Variants in GTPBP1 observed in about 807,000 individuals in gnomAD.
GTPBP1 encodes the protein GTP binding protein 1.
Under a neutral mutation model 62.0 loss-of-function variants are expected in GTPBP1, and 23 were observed. The ratio of observed to expected loss-of-function variants is 0.37; its 90% CI spans 0.27 to 0.53. The LOEUF is 0.53. Ranked by LOEUF, GTPBP1 falls within the 20% of genes least tolerant of loss-of-function variation. GTPBP1 has a pLI of 0.89. For missense variants in GTPBP1, 640 were observed against 917.3 expected (o/e 0.70, Z 3.90); for synonymous variants, 344 against 364.4 (o/e 0.94, Z 0.64).
intron 2 of GTPBP1, among the ~76,000 whole-genome samples, chr22:38,713,805 G>C (rs1480475337): frequency 1.3e-5 from 2 of 152,230 alleles, no homozygotes; most frequent in Non-Finnish European, 1.5e-5. Context: ...TTGTTTAAAA[G>C]AGGGTTGGGT....
At chr22:38,735,530 A>G (rs1006784748), downstream of GTPBP1, 6 of 257,674 alleles carry the variant, frequency 2.3e-5, no homozygotes, top group African/African-American at 1.4e-4. Context: ...GTGGGCCCCA[A>G]CCTAGCATCA....
In GTPBP1 at chr22:38,727,819, C is replaced by T. The variant is rs1399306975; in HGVS notation, c.1538-164C>T. On this transcript the variant is annotated intron_variant, in intron 9 of 11. Transcript: ENST00000216044. This position sits in a 1 kb window ranked among gnomAD's most constrained non-coding sequence, Gnocchi z 6.5. ...GAGGAAAAGGTGGGAGATGGTAAGGCAGGATCAGAGCCAAGAACAGGCTTC... is the reference window on the plus strand; with the variant it reads ...GAGGAAAAGGTGGGAGATGGTAAGGTAGGATCAGAGCCAAGAACAGGCTTC... Among the ~76,000 whole-genome samples the T allele has an allele frequency of 1.3e-5, 2 of 152,146 alleles. No individual in the cohort carries two copies. Among genetic ancestry groups the T allele is most frequent in the Non-Finnish European group, 2.9e-5 (2 of 68,008 alleles).
intron 4 of GTPBP1, 116 bp downstream of exon 4, chr22:38,717,116 G>A (rs2092675229): frequency 9.1e-6 from 6 of 661,060 alleles, no homozygotes; most frequent in African/African-American, 3.6e-5. Context: ...CTTTGACATC[G>A]GGTGAGGCTG....
intron 2 of GTPBP1, 110 bp from the exon 3 acceptor site, chr22:38,715,797 C>CTGG: frequency 1.2e-6 from 1 of 814,690 alleles, no homozygotes; most frequent in Non-Finnish European, 2.0e-6. Context: ...CTCTGCAGTG[C>CTGG]TGGGGTCGGG....
Position 38,707,009 on chromosome 22 carries a change from C to G in GTPBP1, c.192+862C>G, listed in dbSNP as rs899762523. On this transcript the variant is annotated intron_variant, in intron 1 of 11. Coordinates refer to ENST00000216044, the MANE Select transcript of GTPBP1 (RefSeq NM_004286.5). ...GACAGGGCTGGGTTCCCTTTCCTGC[C>G]CTACCATCGAAAGGCTCTGTGACGT... 2.2e-5 allele frequency among the ~76,000 whole-genome samples: 3 copies of G among 138,572 alleles called. No individual in the cohort carries two copies. The South Asian group carries it at 7.0e-4, about 32-fold the overall frequency. The allele number at this position is 138,572 out of a possible 152,430, so 90.9% of individuals were successfully genotyped here. A position where few individuals can be genotyped will look rare whatever the true frequency, so the allele number is the denominator to read the frequency against.
At chr22:38,719,755 C>G (rs761174768) in intron 4 of GTPBP1, among the ~76,000 whole-genome samples, 1 of 151,722 alleles carries the variant, frequency 6.6e-6, no homozygotes, top group Non-Finnish European at 1.5e-5. Flanking sequence ...AAAAGTGAGG[C>G]CTGTCTCCTA....
chr22:38,735,984 A>C (rs770501401), downstream of GTPBP1: 1 of 330,762 alleles, frequency 3.0e-6, no homozygotes, highest in African/African-American at 2.2e-5. Flanking sequence ...ACCTCTCCCA[A>C]CTTCCCAGTC....
At chr22:38,724,451 G>A (rs1270269417) in intron 6 of GTPBP1, 40 bp downstream of exon 6, 20 of 1,213,190 alleles carry the variant, frequency 1.6e-5, no homozygotes, top group Non-Finnish European at 2.3e-5. Flanking sequence ...AGGCACCCTT[G>A]CAGGCAGGAC....
intron 5 of GTPBP1, chr22:38,722,967 G>A (rs2092708613): frequency 5.6e-6 from 5 of 885,342 alleles, no homozygotes; most frequent in Non-Finnish European, 7.8e-6. Flanking sequence ...ACCTCTTAGT[G>A]CAAGACCAGA....
At chr22:38,722,995 C>G (rs566926075) in intron 5 of GTPBP1, 2 of 834,200 alleles carry the variant, frequency 2.4e-6, no homozygotes, top group Admixed American at 3.4e-5. Flanking sequence ...AACAGCACAC[C>G]GTAGTCTCAG....
chr22:38,742,760 G>A, downstream of GTPBP1: 1 of 613,898 alleles, frequency 1.6e-6, no homozygotes, highest in Non-Finnish European at 2.8e-6. Flanking sequence ...GGATCACTGG[G>A]TGCCGGCCAC....
intron 1 of GTPBP1, 44 bp from the exon 2 acceptor site, chr22:38,708,801 T>C (rs1408165788): frequency 2.8e-6 from 3 of 1,055,538 alleles, no homozygotes; most frequent in African/African-American, 3.1e-5. Context: ...GCTGTGGTGC[T>C]CTTCTAGCAA....
chr22:38,709,003 G>T (rs764827844), intron 2 of GTPBP1, 47 bp downstream of exon 2: 7 of 1,175,274 alleles, frequency 6.0e-6, no homozygotes, highest in Non-Finnish European at 8.9e-6. Flanking sequence ...TTATTGGGCC[G>T]GGTGCGGTGG....
intron 5 of GTPBP1, among the ~76,000 whole-genome samples, chr22:38,722,217 C>T (rs138693): frequency 0.061 from 9,325 of 152,196 alleles, 604 homozygotes; most frequent in African/African-American, 0.16. Context: ...CATGCATGAT[C>T]AGTTAAGTCA....
At chr22:38,739,431 A>G, downstream of GTPBP1, 1 of 1,612,902 alleles carries the variant, frequency 6.2e-7, no homozygotes, top group Non-Finnish European at 8.5e-7. The surrounding 1 kb of genome is among the most constrained non-coding windows in gnomAD (Gnocchi z 6.7). Flanking sequence ...CACCTGCTGC[A>G]ATGCAGGCAC....
At chr22:38,734,022 T>TTAAAAA, downstream of GTPBP1, 1 of 248,756 alleles carries the variant, frequency 4.0e-6, no homozygotes, top group Non-Finnish European at 8.1e-6. Context: ...CAGGACCAGC[T>TTAAAAA]GTCTCCCAAG....
chr22:38,716,661 G>T lies in GTPBP1; in HGVS notation c.495G>T (p.Val165=), dbSNP rs368719377. ...DNDFLEVRVA[V]VGNVDAGKST... ...GTTCATCTACACGCAGGGTAGCAGT[G>T]GTGGGCAACGTGGATGCTGGCAAAA... The change falls in exon 4 of 12, where the codon GTG becomes GTT. Residue 165 remains valine, a synonymous_variant. Transcript: ENST00000216044. This position sits in a 1 kb window ranked among gnomAD's most constrained non-coding sequence, Gnocchi z 5.2. The T allele has an allele frequency of 1.2e-6, 2 of 1,612,466 alleles. No individual in the cohort carries two copies.
chr22:38,717,127 G>C (rs1269902816), intron 4 of GTPBP1, 127 bp downstream of exon 4: 5 of 633,178 alleles, frequency 7.9e-6, no homozygotes, highest in Non-Finnish European at 1.4e-5. Context: ...GGTGAGGCTG[G>C]CGAGTTTTGC....
At chr22:38,707,749 C>T (rs1440966856) in intron 1 of GTPBP1, among the ~76,000 whole-genome samples, 2 of 152,088 alleles carry the variant, frequency 1.3e-5, no homozygotes, top group East Asian at 1.9e-4. Context: ...TATTTCATCA[C>T]ATAGCTGGGG....
Sources: allele counts gnomAD v4.1 joint callset (sites outside exome capture counted in the v4.1 genomes callset), GRCh38; gene constraint gnomAD v4.1.1; non-coding constraint Gnocchi (gnomAD v3.1); transcripts MANE v1.5; gene names NCBI Gene and HGNC (gene_info 2026-07-23, HGNC 2026-07-21).